BRINP3: variants seen among roughly 807,000 people sequenced by gnomAD.
The protein encoded by BRINP3 is BMP/retinoic acid-inducible neural-specific protein 3.
In BRINP3, 19 loss-of-function variants were observed where a neutral mutation model predicts 71.0. The ratio of observed to expected loss-of-function variants is 0.27; its 90% CI spans 0.19 to 0.39. The LOEUF (loss-of-function observed/expected upper bound fraction) is 0.39. Among genes scored for constraint, BRINP3 ranks in the 10% least tolerant of loss-of-function variants. BRINP3 has a pLI of 1.00. For missense variants in BRINP3, 959 were observed against 940.8 expected (o/e 1.02, Z -0.25); for synonymous variants, 380 against 337.7 (o/e 1.13, Z -1.37).
intron 1 of BRINP3, among the ~76,000 whole-genome samples, chr1:190,458,919 T>A (rs1027578623): frequency 6.6e-6 from 1 of 151,262 alleles, no homozygotes; most frequent in Non-Finnish European, 1.5e-5. Context: ...CATGGGAGAG[T>A]GATTTTATAT....
At chr1:190,185,147 TAATC>T (rs910842475) in intron 6 of BRINP3, among the ~76,000 whole-genome samples, 2 of 151,988 alleles carry the variant, frequency 1.3e-5, no homozygotes, top group African/African-American at 4.8e-5. Flanking sequence ...GCAAAGGAAA[TAATC>T]AACAGACTGA....
At chr1:190,114,028 C>A (rs576550560) in intron 7 of BRINP3, among the ~76,000 whole-genome samples, 1 of 152,060 alleles carries the variant, frequency 6.6e-6, no homozygotes, top group Non-Finnish European at 1.5e-5. Flanking sequence ...TTGCACCCAC[C>A]CAAATCTCAT....
Position 190,147,130 on chromosome 1 carries a change from A to T in BRINP3, c.1184+13538T>A, listed in dbSNP as rs561165925. Among the ~76,000 whole-genome samples the T allele has an allele frequency of 1.6e-4, 24 of 152,020 alleles. No individual in the cohort carries two copies. The South Asian group carries it at 4.8e-3, about 30-fold the overall frequency. On this transcript the variant is annotated intron_variant, in intron 7 of 7. Coordinates refer to ENST00000367462, the MANE Select transcript of BRINP3 (RefSeq NM_199051.3). ...GTAGCTAGCAAATTTCTTTAAGTACATTTTTTCAGTTTTTTAAAATTATAT... is the reference window on the plus strand; with the variant it reads ...GTAGCTAGCAAATTTCTTTAAGTACTTTTTTTCAGTTTTTTAAAATTATAT...
At chr1:190,377,826 A>G (rs1448356977) in intron 2 of BRINP3, among the ~76,000 whole-genome samples, 2 of 151,970 alleles carry the variant, frequency 1.3e-5, no homozygotes, top group Non-Finnish European at 2.9e-5. Context: ...TTAGCCAAGG[A>G]AGCTACACTG....
intron 3 of BRINP3, among the ~76,000 whole-genome samples, chr1:190,276,778 A>AT (rs916064556): frequency 4.6e-5 from 7 of 150,934 alleles, no homozygotes; most frequent in African/African-American, 7.3e-5. Flanking sequence ...AATGAAGAGA[A>AT]TTTTTTTTGT....
intron 3 of BRINP3, 88 bp downstream of exon 3, chr1:190,281,472 G>T: frequency 8.3e-7 from 1 of 1,207,240 alleles, no homozygotes; most frequent in Non-Finnish European, 1.2e-6. Flanking sequence ...TCATACTGTA[G>T]CTATCTTGAT....
chr1:190,377,090 T>A (rs1050778473), intron 2 of BRINP3, among the ~76,000 whole-genome samples: 1 of 152,004 alleles, frequency 6.6e-6, no homozygotes, highest in African/African-American at 2.4e-5. Flanking sequence ...ATTTTGATTA[T>A]TTTTAATTTT....
At chr1:190,353,752 G>A (rs539750502) in intron 2 of BRINP3, among the ~76,000 whole-genome samples, 42 of 151,752 alleles carry the variant, frequency 2.8e-4, no homozygotes, top group Non-Finnish European at 4.1e-4. Flanking sequence ...TCATGCCTAC[G>A]TCACCAAATC....
chr1:190,352,795 A>G (rs1008627461), intron 2 of BRINP3, among the ~76,000 whole-genome samples: 22 of 152,008 alleles, frequency 1.4e-4, no homozygotes, highest in African/African-American at 5.1e-4. Context: ...AAGAGAAAAT[A>G]CTACCATAAT....
At chr1:190,401,376 CAAAAAAAAA>C (rs762938571) in intron 2 of BRINP3, among the ~76,000 whole-genome samples, 61 of 89,344 alleles carry the variant, frequency 6.8e-4, no homozygotes, top group African/African-American at 2.8e-3. Context: ...CATCTCAAAA[CAAAAAAAAA>C]AAAAAAAAAA....
At chr1:190,178,921 ATGAAATT>A (rs1404093505) in intron 6 of BRINP3, among the ~76,000 whole-genome samples, 3 of 152,270 alleles carry the variant, frequency 2.0e-5, no homozygotes, top group East Asian at 3.9e-4. Flanking sequence ...ATTTCCATGA[ATGAAATT>A]TGATTATCAG....
At chr1:190,434,892 C>T (rs543881679) in intron 2 of BRINP3, among the ~76,000 whole-genome samples, 1 of 152,050 alleles carries the variant, frequency 6.6e-6, no homozygotes, top group Non-Finnish European at 1.5e-5. Context: ...AATGCCTTTG[C>T]CCCTAATGTA....
At chr1:190,453,593 A>C (rs1675796249) in intron 2 of BRINP3, among the ~76,000 whole-genome samples, 1 of 152,274 alleles carries the variant, frequency 6.6e-6, no homozygotes, top group South Asian at 2.1e-4. Context: ...GCATGGAATA[A>C]GGGATTTCTT....
intron 2 of BRINP3, among the ~76,000 whole-genome samples, chr1:190,449,302 T>A (rs986854849): frequency 2.0e-5 from 3 of 152,012 alleles, no homozygotes; most frequent in Non-Finnish European, 4.4e-5. Context: ...TATGGTCTTC[T>A]GTTTCTAGAG....
At chr1:190,347,612 G>A (rs1344830810) in intron 2 of BRINP3, among the ~76,000 whole-genome samples, 2 of 152,024 alleles carry the variant, frequency 1.3e-5, no homozygotes, top group African/African-American at 2.4e-5. Flanking sequence ...AATAAATGCA[G>A]AAATACCAAT....
chr1:190,218,729 C>T (rs1656620351), intron 6 of BRINP3, among the ~76,000 whole-genome samples: 2 of 146,672 alleles, frequency 1.4e-5, no homozygotes, highest in East Asian at 4.2e-4. Context: ...CATCCTCATA[C>T]CTCCCCCCAC....
chr1:190,369,273 T>C (rs1169275139), intron 2 of BRINP3, among the ~76,000 whole-genome samples: 3 of 152,160 alleles, frequency 2.0e-5, no homozygotes, highest in Non-Finnish European at 4.4e-5. Context: ...AGAGTTGTGA[T>C]AGAATTAGTG....
chr1:190,197,434 C>CAATT (rs1201200743), intron 6 of BRINP3, among the ~76,000 whole-genome samples: 1 of 152,148 alleles, frequency 6.6e-6, no homozygotes, highest in Non-Finnish European at 1.5e-5. Context: ...TGAAGCAAGG[C>CAATT]AATTCCCTTC....
Position 190,116,168 on chromosome 1 carries a change from C to A in BRINP3, c.1185-17034G>T, listed in dbSNP as rs549740482. Among the ~76,000 whole-genome samples the A allele has an allele frequency of 8.5e-5, 13 of 152,160 alleles. No homozygotes were observed. The East Asian group carries it at 1.7e-3, about 20-fold the overall frequency. Reference sequence around the variant, plus strand: ...AATCCTATGCTACAATAGATTCTGGCAGCCTTAAATTTCTCCTCAAAATAA... The same window carrying A: ...AATCCTATGCTACAATAGATTCTGGAAGCCTTAAATTTCTCCTCAAAATAA... On this transcript the variant is annotated intron_variant, in intron 7 of 7. Coordinates refer to ENST00000367462, the MANE Select transcript of BRINP3 (RefSeq NM_199051.3).
Sources: allele counts gnomAD v4.1 joint callset (sites outside exome capture counted in the v4.1 genomes callset), GRCh38; gene constraint gnomAD v4.1.1; transcripts MANE v1.5; gene names NCBI Gene and HGNC (gene_info 2026-07-23, HGNC 2026-07-21).